PAK5: variants seen among roughly 807,000 people sequenced by gnomAD.
PAK5 encodes the protein serine/threonine-protein kinase PAK 5.
Under a neutral mutation model 65.9 loss-of-function variants are expected in PAK5, and 16 were observed. The observed-to-expected ratio is 0.24, with a 90% CI of 0.16 to 0.37. The LOEUF (loss-of-function observed/expected upper bound fraction) is 0.37. Among genes scored for constraint, PAK5 ranks in the 10% least tolerant of loss-of-function variants. The probability of loss-of-function intolerance (pLI) is 1.00; values close to 1 mark genes in which losing one functional copy is unlikely to be tolerated. For missense variants in PAK5, 785 were observed against 903.9 expected (o/e 0.87, Z 1.69); for synonymous variants, 371 against 354.9 (o/e 1.05, Z -0.51).
chr20:9,596,599 G>A (rs2046271748), intron 3 of PAK5, among the ~76,000 whole-genome samples: 1 of 127,206 alleles, frequency 7.9e-6, no homozygotes, highest in Admixed American at 1.0e-4. Flanking sequence ...TAGCACTACT[G>A]CACTCCAGCC....
At chr20:9,594,588 T>C (rs2046230648) in intron 3 of PAK5, among the ~76,000 whole-genome samples, 1 of 152,230 alleles carries the variant, frequency 6.6e-6, no homozygotes, top group Non-Finnish European at 1.5e-5. Context: ...ATAGATGTGT[T>C]AGCCTGTATG....
rs1373413496 is a variant in PAK5, at chr20:9,557,662, T to A, written c.1689A>T (p.Gly563=). Residue 563 remains glycine, a synonymous_variant, in exon 7 of 10, where the codon GGA becomes GGT. Transcript: ENST00000353224. ...CACTTTTTATGTCCCTGTGAATCAC[T>A]CCTTGGTTATGAAGGTAGGAGAGAG... ...LRALSYLHNQ[G]VIHRDIKSDS... is the part of the protein sequence containing the mutation. 1 of 1,612,140 alleles carries A rather than the reference T, an allele frequency of 6.2e-7. No homozygotes were observed. The highest frequency in any genetic ancestry group is 1.7e-5 in the Admixed American group (1 of 59,946).
intron 1 of PAK5, among the ~76,000 whole-genome samples, chr20:9,720,934 C>T (rs1407666296): frequency 1.3e-5 from 2 of 151,726 alleles, no homozygotes; most frequent in Non-Finnish European, 2.9e-5. Context: ...TTTGTGGTTA[C>T]CAGAGACTTG....
At chr20:9,570,015 C>A (rs2045750169) in intron 4 of PAK5, among the ~76,000 whole-genome samples, 1 of 152,160 alleles carries the variant, frequency 6.6e-6, no homozygotes. Context: ...TTAGTCAAGT[C>A]AACCTCTCTG....
intron 3 of PAK5, among the ~76,000 whole-genome samples, chr20:9,630,087 G>T (rs1023363221): frequency 6.6e-6 from 1 of 152,128 alleles, no homozygotes; most frequent in African/African-American, 2.4e-5. Context: ...GGAACCCTCT[G>T]GTTTCTTCTT....
intron 1 of PAK5, among the ~76,000 whole-genome samples, chr20:9,812,893 T>C (rs935572326): frequency 6.6e-6 from 1 of 152,152 alleles, no homozygotes; most frequent in African/African-American, 2.4e-5. Context: ...ATATTACACA[T>C]TGTATGCTTG....
In PAK5 at chr20:9,836,029, T is replaced by C. The variant is rs565454130; in HGVS notation, c.-162+2733A>G. Among the ~76,000 whole-genome samples, 477 of 152,326 alleles carry C rather than the reference T, an allele frequency of 3.1e-3. 2 individuals carry two copies. The highest frequency in any genetic ancestry group is 5.8e-3 in the Non-Finnish European group (397 of 68,026). On this transcript the variant is annotated intron_variant, in intron 1 of 9. Coordinates refer to ENST00000353224, the MANE Select transcript of PAK5 (RefSeq NM_177990.4). ...TCTAGAAGATCCAGGTCCTGGGTTG[T>C]CTTGGCTCCCAGGTAAGTGACATGC... is the stretch of plus-strand genomic sequence containing the variant.
At chr20:9,672,350 T>C (rs1473099728) in intron 2 of PAK5, among the ~76,000 whole-genome samples, 2 of 148,238 alleles carry the variant, frequency 1.3e-5, no homozygotes, top group Non-Finnish European at 3.0e-5. Flanking sequence ...AGATACTCAG[T>C]GATATAGTTT....
chr20:9,816,661 T>G (rs1411542143), intron 1 of PAK5, among the ~76,000 whole-genome samples: 1 of 152,182 alleles, frequency 6.6e-6, no homozygotes, highest in Non-Finnish European at 1.5e-5. Context: ...ATACTTTCTC[T>G]CTGGTTCTCA....
intron 1 of PAK5, among the ~76,000 whole-genome samples, chr20:9,783,685 T>G (rs1170088037): frequency 6.6e-6 from 1 of 152,216 alleles, no homozygotes; most frequent in East Asian, 1.9e-4. Flanking sequence ...GCTAAAAGTA[T>G]GTGATACTTT....
In PAK5 at chr20:9,648,430, T is replaced by C. The variant is rs115798318; in HGVS notation, c.-11-4091A>G. ...ACATAGGCACCCCTTGCTTAGTCCATATTTAAATTCCAGGAGGAAAACAGG... is the reference window on the plus strand; with the variant it reads ...ACATAGGCACCCCTTGCTTAGTCCACATTTAAATTCCAGGAGGAAAACAGG... On this transcript the variant is annotated intron_variant, in intron 2 of 9. Coordinates refer to ENST00000353224, the MANE Select transcript of PAK5 (RefSeq NM_177990.4). 4.1e-3 allele frequency among the ~76,000 whole-genome samples: 623 copies of C among 152,022 alleles called. 10 individuals are homozygous for C. Among genetic ancestry groups the C allele is most frequent in the African/African-American group, 0.014 (574 of 41,466 alleles).
Position 9,545,227 on chromosome 20 carries a change from GA to G in PAK5, c.1744-734del, listed in dbSNP as rs575148616. Among the ~76,000 whole-genome samples the G allele has an allele frequency of 1.1e-4, 17 of 152,202 alleles. No homozygotes were observed. In the South Asian group the frequency reaches 3.5e-3, roughly 32 times the overall value. On this transcript the variant is annotated intron_variant, in intron 7 of 9. Transcript: ENST00000353224. Reference sequence around the variant, plus strand: ...ATTTACCTTAGATATCATCAAGGAGGAAAAAAACTTGGAAATTTCTTTCCTA... The same window carrying G: ...ATTTACCTTAGATATCATCAAGGAGGAAAAAACTTGGAAATTTCTTTCCTA...
chr20:9,606,215 T>C (rs1434909760), intron 3 of PAK5, among the ~76,000 whole-genome samples: 1 of 152,124 alleles, frequency 6.6e-6, no homozygotes, highest in Middle Eastern at 3.2e-3. Flanking sequence ...TCTTCAAAAG[T>C]GTGTGGCACC....
rs115354377 is a variant in PAK5, at chr20:9,593,295, C to T, written c.205-12365G>A. ...CTCCAGCCTGAGCAACAGAGTGAGA[C>T]CCTGTATCAAAAGAAAAAAAAAGAG... On this transcript the variant is annotated intron_variant, in intron 3 of 9. Transcript: ENST00000353224. Among the ~76,000 whole-genome samples, 416 of 151,990 alleles carry T rather than the reference C, an allele frequency of 2.7e-3. 3 individuals carry two copies. Among genetic ancestry groups the T allele is most frequent in the African/African-American group, 9.7e-3 (402 of 41,426 alleles).
At chr20:9,715,375 T>C (rs2048131097) in intron 1 of PAK5, among the ~76,000 whole-genome samples, 1 of 151,988 alleles carries the variant, frequency 6.6e-6, no homozygotes, top group Non-Finnish European at 1.5e-5. Flanking sequence ...AGAATGGCGA[T>C]CATTAAAAAG....
At position 9,830,154 on chromosome 20, in the gene PAK5, C is replaced by T. The variant is rs770489105; in HGVS notation, c.-162+8608G>A. On this transcript the variant is annotated intron_variant, in intron 1 of 9. Transcript: ENST00000353224. ...AAGTTGGAGTGCAGAGTAGCAGAGC[C>T]CTCTAATATACAGTGACCAGGACAG... Among the ~76,000 whole-genome samples the T allele has an allele frequency of 8.2e-4, 125 of 152,244 alleles. 1 individual carries two copies. In the Middle Eastern group the frequency reaches 0.02, roughly 25 times the overall value.
chr20:9,790,758 C>T (rs1187825767), intron 1 of PAK5, among the ~76,000 whole-genome samples: 1 of 152,106 alleles, frequency 6.6e-6, no homozygotes, highest in Admixed American at 6.6e-5. Flanking sequence ...CTCGGCCTCC[C>T]AAAGTGCTGG....
chr20:9,794,704 C>T (rs1045915055), intron 1 of PAK5, among the ~76,000 whole-genome samples: 1 of 152,052 alleles, frequency 6.6e-6, no homozygotes, highest in Non-Finnish European at 1.5e-5. Context: ...AACATAGGCA[C>T]ATTGAGTTTC....
intron 1 of PAK5, among the ~76,000 whole-genome samples, chr20:9,722,070 T>C (rs1487251951): frequency 6.6e-6 from 1 of 152,110 alleles, no homozygotes; most frequent in African/African-American, 2.4e-5. Context: ...TGGTCTAGAA[T>C]GAGAGTGACA....
Sources: gnomAD v4.1 joint callset for allele counts (sites outside exome capture counted in the v4.1 genomes callset) on GRCh38, gnomAD v4.1.1 for gene constraint, MANE v1.5 for transcripts, NCBI Gene and HGNC (gene_info 2026-07-23, HGNC 2026-07-21) for gene names.